The following PPFIBP1 variants were observed in gnomAD, a reference collection of about 807,000 sequenced individuals.
PPFIBP1 encodes the protein liprin-beta-1.
PPFIBP1 carries 112 observed loss-of-function variants against 137.8 expected under a neutral mutation model. That is an observed-to-expected ratio of 0.81 (90% CI 0.70 to 0.95). The LOEUF is 0.95. Ranked by LOEUF, PPFIBP1 falls within the 40% of genes least tolerant of loss-of-function variation. The pLI, the probability that PPFIBP1 is intolerant of heterozygous loss-of-function variation, is 0.00. For missense variants in PPFIBP1, 1,083 were observed against 1,196.6 expected, an observed-to-expected ratio of 0.91 and a Z score of 1.40; for synonymous variants, 378 against 417.3, an observed-to-expected ratio of 0.91 and a Z score of 1.15.
chr12:27,608,604 A>G, intron 2 of PPFIBP1: 1 of 384,568 alleles, frequency 2.6e-6, no homozygotes, highest in Non-Finnish European at 4.9e-6. Context: ...GTGAGTTAGG[A>G]TTCCCTCCTT....
chr12:27,529,032 G>T (rs982878745), intron 1 of PPFIBP1, among the ~76,000 whole-genome samples: 11 of 152,220 alleles, frequency 7.2e-5, no homozygotes, highest in Non-Finnish European at 4.4e-5. Flanking sequence ...TCATGTAGTG[G>T]TTTTATGTAC....
intron 4 of PPFIBP1, among the ~76,000 whole-genome samples, chr12:27,640,993 C>T (rs1440545291): frequency 1.3e-5 from 2 of 152,156 alleles, no homozygotes; most frequent in Admixed American, 1.3e-4. Flanking sequence ...CTCTTCCTTT[C>T]TTGATCCTGA....
At chr12:27,592,543 CG>C in intron 2 of PPFIBP1, 1 of 1,274,396 alleles carries the variant, frequency 7.8e-7, no homozygotes, top group Non-Finnish European at 1.1e-6. Context: ...TGCTGGCTGA[CG>C]GGGACTCTTG....
intron 7 of PPFIBP1, among the ~76,000 whole-genome samples, chr12:27,651,660 G>A (rs1248319720): frequency 6.6e-6 from 1 of 152,148 alleles, no homozygotes; most frequent in Admixed American, 6.5e-5. Context: ...AGCTAGCTCT[G>A]CTGCAGGGAA....
rs72418237 is a variant in PPFIBP1, at chr12:27,674,811, A to ATTTTTTTTTTTTTTTTTTTTTT, written c.1410+611_1410+612insTTTTTTTTTTTTTTTTTTTTTT. Among the ~76,000 whole-genome samples, 3 of 108,706 alleles carry ATTTTTTTTTTTTTTTTTTTTTT rather than the reference A, an allele frequency of 2.8e-5. 1 individual carries two copies. The highest frequency in any genetic ancestry group is 5.3e-5 in the Non-Finnish European group (3 of 57,066). 71.3% of individuals were successfully genotyped at this position (108,706 alleles called of 152,430 possible). On this transcript the variant is annotated intron_variant, in intron 17 of 29. Transcript: ENST00000228425. ...ATGTGCTCAATTCTTCTTTCCCCTG[A>ATTTTTTTTTTTTTTTTTTTTTT]TTTTTTTTTTTTTTTTTTTTTGAAA...
At chr12:27,632,545 G>T (rs1222071949) in intron 2 of PPFIBP1, among the ~76,000 whole-genome samples, 2 of 152,202 alleles carry the variant, frequency 1.3e-5, no homozygotes, top group Non-Finnish European at 2.9e-5. Context: ...CCAATGAGTA[G>T]ATTGTGATGT....
At chr12:27,617,959 A>G (rs1281481201) in intron 2 of PPFIBP1, among the ~76,000 whole-genome samples, 1 of 152,190 alleles carries the variant, frequency 6.6e-6, no homozygotes, top group African/African-American at 2.4e-5. Context: ...TCCTGTCAAG[A>G]CAACTCAACA....
In PPFIBP1 at chr12:27,674,226, C is replaced by T; in HGVS notation, c.1410+5C>T. 6.3e-7 allele frequency: 1 copy of T among 1,588,686 alleles called. No individual in the cohort carries two copies. Among genetic ancestry groups the T allele is most frequent in the African/African-American group, 1.3e-5 (1 of 74,084 alleles). On this transcript the variant is annotated splice_donor_5th_base_variant and intron_variant, in intron 17 of 29. Coordinates refer to ENST00000228425, the MANE Select transcript of PPFIBP1 (RefSeq NM_003622.4). ...ACTATTCAGAAGACTTCAGAGGTAA[C>T]TTTTTGTCCAAATTACAATGCAAAA...
Position 27,635,053 on chromosome 12 carries a change from T to C in PPFIBP1, c.208T>C (p.Leu70=). Residue 70 remains leucine, a synonymous_variant, in exon 4 of 30, where the codon TTG becomes CTG. Transcript: ENST00000228425. ...EMMETDEKEG[L]RCQIPDSTAE... Reference sequence around the variant, plus strand: ...GATGGAAACAGATGAGAAAGAAGGCTTGAGATGCCAGATCCCAGATTCAAC... The same window carrying C: ...GATGGAAACAGATGAGAAAGAAGGCCTGAGATGCCAGATCCCAGATTCAAC... 1.9e-6 allele frequency: 3 copies of C among 1,614,220 alleles called. No individual in the cohort carries two copies.
chr12:27,695,062 A>G lies in PPFIBP1; in HGVS notation c.*2180A>G, dbSNP rs989264965. 1.3e-5 allele frequency: 2 copies of G among 152,174 alleles called. No homozygotes were observed. The highest frequency in any genetic ancestry group is 6.5e-5 in the Admixed American group (1 of 15,272). The allele number at this position is 152,174 out of a possible 1,614,324, so 9.4% of individuals were successfully genotyped here. A position where few individuals can be genotyped will look rare whatever the true frequency, so the allele number is the denominator to read the frequency against. On this transcript the variant is annotated 3_prime_UTR_variant, in exon 30 of 30. Coordinates refer to ENST00000228425, the MANE Select transcript of PPFIBP1 (RefSeq NM_003622.4). Reference sequence around the variant, plus strand: ...AATGTGACTAGATGTCACCACTTCAAAAAATCAATTTGTTCTTAGAACCTG... The same window carrying G: ...AATGTGACTAGATGTCACCACTTCAGAAAATCAATTTGTTCTTAGAACCTG...
At chr12:27,526,996 A>G (rs1291334835) in intron 1 of PPFIBP1, among the ~76,000 whole-genome samples, 1 of 152,140 alleles carries the variant, frequency 6.6e-6, no homozygotes, top group Non-Finnish European at 1.5e-5. Context: ...ACAGTTAATT[A>G]ACTGTTTATG....
chr12:27,665,472 T>C (rs12579734), intron 12 of PPFIBP1, among the ~76,000 whole-genome samples: 11,431 of 152,066 alleles, frequency 0.075, 523 homozygotes, highest in Admixed American at 0.11. Flanking sequence ...AGAAGGAACA[T>C]TGGGCTGGGT....
chr12:27,677,470 T>G, intron 19 of PPFIBP1: 1 of 240,428 alleles, frequency 4.2e-6, no homozygotes. Flanking sequence ...TCTCCATGCT[T>G]ACATTTCCCC....
At chr12:27,587,059 CGTGTTCT>C (rs2051849461) in intron 2 of PPFIBP1, among the ~76,000 whole-genome samples, 1 of 152,160 alleles carries the variant, frequency 6.6e-6, no homozygotes, top group African/African-American at 2.4e-5. Context: ...TGAAATCTTA[CGTGTTCT>C]GTAAAAATAC....
chr12:27,560,386 A>G (rs2049057709), intron 1 of PPFIBP1, among the ~76,000 whole-genome samples: 1 of 152,210 alleles, frequency 6.6e-6, no homozygotes, highest in East Asian at 1.9e-4. Context: ...CAAGGATTCT[A>G]TCAGTTTGGA....
intron 1 of PPFIBP1, among the ~76,000 whole-genome samples, chr12:27,553,752 A>G (rs1947016268): frequency 6.6e-6 from 1 of 152,182 alleles, no homozygotes; most frequent in Non-Finnish European, 1.5e-5. Context: ...TACTTAGAAC[A>G]TTTTTGGGTG....
chr12:27,671,288 T>A (rs898504703), intron 13 of PPFIBP1, 143 bp from the exon 14 acceptor site: 8 of 499,544 alleles, frequency 1.6e-5, no homozygotes, highest in Non-Finnish European at 2.5e-5. Flanking sequence ...ATGTTTATAT[T>A]CTGAAATCAT....
rs2060583072 is a variant in PPFIBP1, at chr12:27,677,348, T to C, written c.1615+252T>C. 4 of 558,100 alleles carry C rather than the reference T, an allele frequency of 7.2e-6. No individual in the cohort carries two copies. In the South Asian group the frequency reaches 9.8e-5, roughly 14 times the overall value. The allele number at this position is 558,100 out of a possible 1,614,324, so 34.6% of individuals were successfully genotyped here. A position where few individuals can be genotyped will look rare whatever the true frequency, so the allele number is the denominator to read the frequency against. On this transcript the variant is annotated intron_variant, in intron 19 of 29. Transcript: ENST00000228425. ...ATAGCTTTGAGAGGACCTAGACGTGTGCAGCATCCCTCAGAGTGCAGGGCA... is the reference window on the plus strand; with the variant it reads ...ATAGCTTTGAGAGGACCTAGACGTGCGCAGCATCCCTCAGAGTGCAGGGCA...
At chr12:27,613,455 G>A (rs1310393437) in intron 2 of PPFIBP1, among the ~76,000 whole-genome samples, 1 of 152,168 alleles carries the variant, frequency 6.6e-6, no homozygotes. Flanking sequence ...TATAATCCCA[G>A]CACTTTGGGA....
Sources: allele counts gnomAD v4.1 joint callset (sites outside exome capture counted in the v4.1 genomes callset), GRCh38; gene constraint gnomAD v4.1.1; transcripts MANE v1.5; gene names NCBI Gene and HGNC (gene_info 2026-07-23, HGNC 2026-07-21).